Variants in MAP7 observed in about 807,000 individuals in gnomAD.
MAP7 encodes the protein ensconsin.
Under a neutral mutation model 94.8 loss-of-function variants are expected in MAP7, and 52 were observed. The observed-to-expected ratio is 0.55, with a 90% CI of 0.44 to 0.69. The LOEUF is 0.69. Ranked by LOEUF, MAP7 falls within the 30% of genes least tolerant of loss-of-function variation. The pLI is 0.00. For missense variants in MAP7, 940 were observed against 964.6 expected (o/e 0.97, Z 0.34); for synonymous variants, 350 against 357.0 (o/e 0.98, Z 0.22).
chr6:136,508,420 A>G (rs1822241542), intron 1 of MAP7, among the ~76,000 whole-genome samples: 1 of 152,228 alleles, frequency 6.6e-6, no homozygotes, highest in Non-Finnish European at 1.5e-5. Context: ...CATCGCTGTG[A>G]TTCTCAGAAG....
chr6:136,526,129 G>A, intron 1 of MAP7: 1 of 1,321,920 alleles, frequency 7.6e-7, no homozygotes, highest in Non-Finnish European at 9.6e-7. Flanking sequence ...CTGACAGATA[G>A]TACCAGCCAC....
intron 1 of MAP7, among the ~76,000 whole-genome samples, chr6:136,424,710 G>C (rs939955313): frequency 1.3e-5 from 2 of 152,124 alleles, no homozygotes; most frequent in East Asian, 3.8e-4. Context: ...TGGCTGTATG[G>C]TCCAATACAG....
intron 1 of MAP7, among the ~76,000 whole-genome samples, chr6:136,516,838 C>T (rs1264390869): frequency 1.3e-5 from 2 of 152,040 alleles, no homozygotes; most frequent in African/African-American, 4.8e-5. Context: ...CATTTGGCAT[C>T]CCCAGTGTAA....
chr6:136,525,746 C>T, intron 1 of MAP7: 1 of 1,399,878 alleles, frequency 7.1e-7, no homozygotes, highest in Admixed American at 2.4e-5. Context: ...CATGCACGAG[C>T]AGCACAGTTT....
intron 3 of MAP7, among the ~76,000 whole-genome samples, chr6:136,404,962 A>G (rs1284534538): frequency 6.6e-6 from 1 of 152,238 alleles, no homozygotes; most frequent in Non-Finnish European, 1.5e-5. Context: ...ATAGATCCAT[A>G]GGAAAATTTA....
At chr6:136,472,169 T>C (rs1220977451) in intron 1 of MAP7, among the ~76,000 whole-genome samples, 2 of 152,208 alleles carry the variant, frequency 1.3e-5, no homozygotes, top group African/African-American at 4.8e-5. Flanking sequence ...AATTGTCCCC[T>C]TTCACATGGG....
At position 136,424,553 on chromosome 6, in the gene MAP7, C is replaced by T. The variant is rs550838664; in HGVS notation, c.68-2754G>A. ...TAAAACAAAATATAGAGGCATCAGA[C>T]ATTTGGAGCCTTCATCTAGTGAAAA... On this transcript the variant is annotated intron_variant, in intron 1 of 17. Coordinates refer to ENST00000354570, the MANE Select transcript of MAP7 (RefSeq NM_003980.6). Among the ~76,000 whole-genome samples, 3 of 152,316 alleles carry T rather than the reference C, an allele frequency of 2.0e-5. No individual in the cohort carries two copies. The South Asian group carries it at 6.2e-4, about 32-fold the overall frequency.
In MAP7 at chr6:136,421,614, A is replaced by G. The variant is rs375528886; in HGVS notation, c.166+87T>C. On this transcript the variant is annotated intron_variant, in intron 2 of 17. Transcript: ENST00000354570. ...GAGTTTTCTGGAAACTAGAATTTAA[A>G]CAAATTAAACCTTTATAATCATCAG... 1.5e-5 allele frequency: 20 copies of G among 1,290,722 alleles called. No homozygotes were observed. In the East Asian group the frequency reaches 2.1e-4, roughly 14 times the overall value. The allele number at this position is 1,290,722 out of a possible 1,614,324, so 80.0% of individuals were successfully genotyped here.
At chr6:136,470,674 T>C (rs1216619216) in intron 1 of MAP7, among the ~76,000 whole-genome samples, 2 of 152,110 alleles carry the variant, frequency 1.3e-5, no homozygotes, top group African/African-American at 4.8e-5. Context: ...AAGAATTGTG[T>C]CCTTCTGCAT....
intron 1 of MAP7, among the ~76,000 whole-genome samples, chr6:136,493,346 C>T: frequency 6.6e-6 from 1 of 152,180 alleles, no homozygotes; most frequent in East Asian, 1.9e-4. Flanking sequence ...TGGTCTCGAA[C>T]TCCTGACCTC....
chr6:136,392,449 A>G (rs111824674), intron 3 of MAP7, among the ~76,000 whole-genome samples: 135 of 146,426 alleles, frequency 9.2e-4, no homozygotes, highest in African/African-American at 3.3e-3. Context: ...ATATCAACAC[A>G]TGAAACATGA....
intron 7 of MAP7, 65 bp from the exon 8 acceptor site, chr6:136,372,690 AG>A: frequency 6.2e-7 from 1 of 1,608,580 alleles, no homozygotes. Flanking sequence ...AGAGTGCCAG[AG>A]GAGCAGTTGA....
intron 1 of MAP7, among the ~76,000 whole-genome samples, chr6:136,451,422 G>C (rs777346746): frequency 6.6e-6 from 1 of 152,192 alleles, no homozygotes; most frequent in Non-Finnish European, 1.5e-5. Flanking sequence ...GAGACCTGCT[G>C]TTCAGAAGAA....
intron 1 of MAP7, among the ~76,000 whole-genome samples, chr6:136,442,979 C>T (rs1798299122): frequency 2.0e-5 from 3 of 151,980 alleles, no homozygotes; most frequent in Admixed American, 2.0e-4. Flanking sequence ...GAAAATATAA[C>T]CATACTAAGG....
At chr6:136,395,408 ATT>A (rs34425736) in intron 3 of MAP7, among the ~76,000 whole-genome samples, 5,020 of 87,848 alleles carry the variant, frequency 0.057, 179 homozygotes, top group East Asian at 0.25. Flanking sequence ...TTTAATTTGG[ATT>A]TTTTTTTTTT....
chr6:136,451,425 C>T (rs1443456868), intron 1 of MAP7, among the ~76,000 whole-genome samples: 1 of 152,178 alleles, frequency 6.6e-6, no homozygotes. Flanking sequence ...ACCTGCTGTT[C>T]AGAAGAAAAG....
intron 2 of MAP7, among the ~76,000 whole-genome samples, chr6:136,414,276 A>AAAAAAAAAAAAAAAAAAAAC (rs1788600723): frequency 7.0e-6 from 1 of 143,704 alleles, no homozygotes; most frequent in Non-Finnish European, 1.5e-5. Flanking sequence ...AAAAAAAAAA[A>AAAAAAAAAAAAAAAAAAAAC]AAAAAAAATT....
chr6:136,410,907 C>T (rs548500059), intron 3 of MAP7, among the ~76,000 whole-genome samples: 1 of 152,358 alleles, frequency 6.6e-6, no homozygotes, highest in Non-Finnish European at 1.5e-5. Context: ...CACGCACATG[C>T]TGACCAGGCA....
intron 1 of MAP7, among the ~76,000 whole-genome samples, chr6:136,507,373 G>A (rs1268534005): frequency 6.7e-6 from 1 of 149,592 alleles, no homozygotes; most frequent in Non-Finnish European, 1.5e-5. Context: ...CCTGCCTAAA[G>A]TCAGAATTAC....
Sources: gnomAD v4.1 joint callset for allele counts (sites outside exome capture counted in the v4.1 genomes callset) on GRCh38, gnomAD v4.1.1 for gene constraint, MANE v1.5 for transcripts, NCBI Gene and HGNC (gene_info 2026-07-23, HGNC 2026-07-21) for gene names.